ADARB1: variants seen among roughly 807,000 people sequenced by gnomAD.
The protein encoded by ADARB1 is double-stranded RNA-specific editase 1.
Under a neutral mutation model 52.4 loss-of-function variants are expected in ADARB1, and 10 were observed. That is an observed-to-expected ratio of 0.19 (90% CI 0.12 to 0.32). The LOEUF (loss-of-function observed/expected upper bound fraction) is 0.32. Ranked by LOEUF, ADARB1 falls within the 10% of genes least tolerant of loss-of-function variation. ADARB1 has a pLI of 1.00. For synonymous variants in ADARB1, 349 were observed against 371.1 expected (o/e 0.94, Z 0.68); for missense variants, 643 against 922.3 (o/e 0.70, Z 3.92).
rs1475098414 is a variant in ADARB1 at position 45,204,470 on chromosome 21, A to T, written c.1566-85A>T. On this transcript the variant is annotated intron_variant, in intron 8 of 10. Transcript: ENST00000348831. This position sits in a 1 kb window ranked among gnomAD's most constrained non-coding sequence, Gnocchi z 4.4. Reference sequence around the variant, plus strand: ...TGGGATCCTGCGGAATTGCCAGTGCATCCCTGTAACCACGCAGGCTTGGGC... The same window carrying T: ...TGGGATCCTGCGGAATTGCCAGTGCTTCCCTGTAACCACGCAGGCTTGGGC... 7.3e-7 allele frequency: 1 copy of T among 1,378,334 alleles called. No homozygotes were observed. The highest frequency in any genetic ancestry group is 1.4e-5 in the African/African-American group (1 of 69,982). The allele number at this position is 1,378,334 out of a possible 1,614,324, so 85.4% of individuals were successfully genotyped here. A position where few individuals can be genotyped will look rare whatever the true frequency, so the allele number is the denominator to read the frequency against.
At chr21:45,093,592 G>A (rs1237134014) in intron 1 of ADARB1, among the ~76,000 whole-genome samples, 1 of 152,170 alleles carries the variant, frequency 6.6e-6, no homozygotes, top group Non-Finnish European at 1.5e-5. Context: ...GGGGTGTTGG[G>A]AAGTTCTGTC....
intron 2 of ADARB1, among the ~76,000 whole-genome samples, chr21:45,162,380 C>T (rs1028038559): frequency 1.3e-5 from 2 of 152,142 alleles, no homozygotes; most frequent in Admixed American, 6.5e-5. Flanking sequence ...ACCCCACGCC[C>T]ACTCACTCAC....
chr21:45,154,284 T>C (rs767085588), intron 2 of ADARB1, among the ~76,000 whole-genome samples: 5 of 152,246 alleles, frequency 3.3e-5, no homozygotes, highest in Non-Finnish European at 5.9e-5. Context: ...AGTAAGTTCA[T>C]TGTGAGTGTT....
intron 2 of ADARB1, among the ~76,000 whole-genome samples, chr21:45,138,449 C>T (rs889741694): frequency 2.6e-5 from 4 of 152,186 alleles, no homozygotes; most frequent in African/African-American, 9.7e-5. Context: ...GGGTGAGTAT[C>T]GCTGCAGTAC....
intron 9 of ADARB1, among the ~76,000 whole-genome samples, chr21:45,210,104 G>A (rs1214471666): frequency 6.6e-6 from 1 of 152,228 alleles, no homozygotes; most frequent in African/African-American, 2.4e-5. Flanking sequence ...TCCTTTCTGG[G>A]AGAGTGACTC....
chr21:45,113,811 C>T (rs1206860379), intron 1 of ADARB1, among the ~76,000 whole-genome samples: 3 of 152,106 alleles, frequency 2.0e-5, no homozygotes, highest in Non-Finnish European at 2.9e-5. Context: ...TGGACAAGTG[C>T]GGAGATCAGT....
chr21:45,215,683 G>A (rs1007349291), intron 9 of ADARB1, among the ~76,000 whole-genome samples: 3 of 152,042 alleles, frequency 2.0e-5, no homozygotes, highest in Non-Finnish European at 2.9e-5. Flanking sequence ...AACCAACTTT[G>A]CATCTTGGGA....
intron 8 of ADARB1, among the ~76,000 whole-genome samples, chr21:45,189,195 A>T (rs8126717): frequency 1.6e-4 from 24 of 151,154 alleles, no homozygotes; most frequent in African/African-American, 2.2e-4. Context: ...ATTCTCATTT[A>T]TTTTATTTTT....
At chr21:45,097,640 A>G (rs1601322481) in intron 1 of ADARB1, among the ~76,000 whole-genome samples, 1 of 152,074 alleles carries the variant, frequency 6.6e-6, no homozygotes, top group African/African-American at 2.4e-5. Context: ...GGTGCTGGCC[A>G]TGTGGCAAGG....
chr21:45,084,452 A>T (rs1244155284), intron 1 of ADARB1, among the ~76,000 whole-genome samples: 1 of 152,138 alleles, frequency 6.6e-6, no homozygotes, highest in Admixed American at 6.6e-5. Context: ...AGGAGGCAGG[A>T]TTGAGAGAGG....
Position 45,176,799 on chromosome 21 carries a change from G to GT in ADARB1, c.963+136dup. On this transcript the variant is annotated intron_variant, in intron 4 of 10. Transcript: ENST00000348831. This position sits in a 1 kb window ranked among gnomAD's most constrained non-coding sequence, Gnocchi z 5.8. ...CTGTCCCCACCAGGAGGAGTTACTGGTAAGTCTGGCTGCTTGATTTCCATG... is the reference window on the plus strand; with the variant it reads ...CTGTCCCCACCAGGAGGAGTTACTGGTTAAGTCTGGCTGCTTGATTTCCATG... 9.5e-7 allele frequency: 1 copy of GT among 1,048,394 alleles called. No homozygotes were observed. Among genetic ancestry groups the GT allele is most frequent in the Non-Finnish European group, 1.3e-6 (1 of 746,908 alleles). The allele number at this position is 1,048,394 out of a possible 1,614,324, so 64.9% of individuals were successfully genotyped here. A position where few individuals can be genotyped will look rare whatever the true frequency, so the allele number is the denominator to read the frequency against.
At chr21:45,111,708 G>T (rs948853994) in intron 1 of ADARB1, among the ~76,000 whole-genome samples, 2 of 152,170 alleles carry the variant, frequency 1.3e-5, no homozygotes, top group Non-Finnish European at 2.9e-5. Flanking sequence ...GTTGTTGCCT[G>T]TTCGTTTTTA....
intron 8 of ADARB1, among the ~76,000 whole-genome samples, chr21:45,202,720 C>T (rs553440621): frequency 6.6e-6 from 1 of 152,234 alleles, no homozygotes; most frequent in South Asian, 2.1e-4. Flanking sequence ...GCGTCTTCCC[C>T]TGCAGCGTGT....
intron 8 of ADARB1, among the ~76,000 whole-genome samples, chr21:45,185,406 T>G (rs911664237): frequency 1.3e-5 from 2 of 152,244 alleles, no homozygotes; most frequent in Non-Finnish European, 2.9e-5. Context: ...CCATGACATC[T>G]TAAAACTACT....
chr21:45,213,434 G>A (rs1250674400), intron 9 of ADARB1, among the ~76,000 whole-genome samples: 1 of 152,056 alleles, frequency 6.6e-6, no homozygotes, highest in African/African-American at 2.4e-5. Context: ...CATATTTAAA[G>A]TATACAATTT....
intron 2 of ADARB1, among the ~76,000 whole-genome samples, chr21:45,151,411 A>T (rs1302265805): frequency 2.0e-5 from 3 of 152,200 alleles, no homozygotes; most frequent in Non-Finnish European, 4.4e-5. Flanking sequence ...TAGAAAGTGG[A>T]TGTTGGTCAT....
At position 45,074,622 on chromosome 21, in the gene ADARB1, C is replaced by CAGCGGCGGCCA. The variant is rs2085835417; in HGVS notation, c.-384_-374dup. 1 of 149,266 alleles carries CAGCGGCGGCCA rather than the reference C, an allele frequency of 6.7e-6. No individual in the cohort carries two copies. Among genetic ancestry groups the CAGCGGCGGCCA allele is most frequent in the African/African-American group, 2.5e-5 (1 of 40,584 alleles). The allele number at this position is 149,266 out of a possible 1,614,324, so 9.2% of individuals were successfully genotyped here. ...GTGGCGGCGGCGGCGGCGGCGGCGG[C>CAGCGGCGGCCA]AGCGGCGGCCAAGCGGCCAGGTTGG... On this transcript the variant is annotated 5_prime_UTR_variant, in exon 1 of 11. Coordinates refer to ENST00000348831, the MANE Select transcript of ADARB1 (RefSeq NM_001112.4).
chr21:45,082,022 G>T (rs942586684), intron 1 of ADARB1, among the ~76,000 whole-genome samples: 1 of 152,204 alleles, frequency 6.6e-6, no homozygotes, highest in Non-Finnish European at 1.5e-5. Flanking sequence ...GAGAGCAGGT[G>T]TGAATTCTTG....
At position 45,176,188 on chromosome 21, in the gene ADARB1, A is replaced by G; in HGVS notation, c.487A>G (p.Thr163Ala). The G allele has an allele frequency of 6.2e-7, 1 of 1,614,202 alleles. No homozygotes were observed. Among genetic ancestry groups the G allele is most frequent in the Middle Eastern group, 1.6e-4 (1 of 6,062 alleles). The change falls in exon 4 of 11, where the codon ACG (threonine) becomes GCG (alanine). Residue 163 changes from threonine to alanine, a missense_variant. Thr to Ala is a moderately conservative substitution (Grantham distance 58, BLOSUM62 0). Transcript: ENST00000348831. The surrounding 1 kb of genome is among the most constrained non-coding windows in gnomAD (Gnocchi z 5.8). ...CATGGGGAGGACCCTGTCTGTCAAC[A>G]CGGACTTCACATCTGACCAGGCCGA... Reference protein sequence around the residue: ...LAMGRTLSVNTDFTSDQADFP... With the variant: ...LAMGRTLSVNADFTSDQADFP...
Sources: allele counts gnomAD v4.1 joint callset (sites outside exome capture counted in the v4.1 genomes callset), GRCh38; gene constraint gnomAD v4.1.1; non-coding constraint Gnocchi (gnomAD v3.1); transcripts MANE v1.5; gene names NCBI Gene and HGNC (gene_info 2026-07-23, HGNC 2026-07-21).